STPG2: variants seen among roughly 807,000 people sequenced by gnomAD.
STPG2 encodes the protein sperm tail PG-rich repeat containing 2, also known as sperm-tail PG-rich repeat-containing protein 2.
In STPG2, 56 loss-of-function variants were observed where a neutral mutation model predicts 54.2. The ratio of observed to expected loss-of-function variants is 1.03; its 90% CI spans 0.83 to 1.29. The LOEUF is 1.29. Ranked by LOEUF, STPG2 falls within the 50% of genes most tolerant of loss-of-function variation. STPG2 has a pLI of 0.00. For synonymous variants in STPG2, 200 were observed against 181.8 expected, an observed-to-expected ratio of 1.10 and a Z score of -0.81; for missense variants, 596 against 544.9, an observed-to-expected ratio of 1.09 and a Z score of -0.93.
intron 5 of STPG2, chr4:98,048,876 T>G (rs925577795): frequency 6.4e-6 from 1 of 155,162 alleles, no homozygotes; most frequent in Non-Finnish European, 1.4e-5. Context: ...ACAGAGGAAA[T>G]TTTGGTGATA....
chr4:98,067,862 T>C (rs1737880871), intron 5 of STPG2, among the ~76,000 whole-genome samples: 1 of 152,184 alleles, frequency 6.6e-6, no homozygotes, highest in South Asian at 2.1e-4. Context: ...AACCCTCTCA[T>C]TCTTAAGTCT....
At chr4:97,635,419 G>A (rs577779056) in intron 10 of STPG2, among the ~76,000 whole-genome samples, 2 of 152,316 alleles carry the variant, frequency 1.3e-5, no homozygotes, top group African/African-American at 4.8e-5. Flanking sequence ...AGACTAGGAA[G>A]AAACTGCATC....
intron 8 of STPG2, among the ~76,000 whole-genome samples, chr4:97,909,233 C>G (rs1218750793): frequency 6.6e-6 from 1 of 151,704 alleles, no homozygotes; most frequent in Non-Finnish European, 1.5e-5. Context: ...TTATGAACAA[C>G]TTTATGCAAA....
At position 98,134,385 on chromosome 4, in the gene STPG2, C is replaced by A. The variant is rs1740079999; in HGVS notation, c.184G>T (p.Val62Phe). 6.3e-7 allele frequency: 1 copy of A among 1,582,422 alleles called. No homozygotes were observed. Among genetic ancestry groups the A allele is most frequent in the South Asian group, 1.2e-5 (1 of 86,556 alleles). The change falls in exon 2 of 11, where the codon GTT becomes TTT. Residue 62 changes from valine to phenylalanine, a missense_variant. Physicochemically the swap from Val to Phe is conservative, Grantham distance 50 (BLOSUM62 -1). Coordinates refer to ENST00000295268, the MANE Select transcript of STPG2 (RefSeq NM_174952.3). ...FTIASSIEKA[V>F]PGPGHYNVSE... ...ACATTATAGTGTCCTGGACCTGGAA[C>A]AGCTTTCTCAATGCTAGAGGCAATG...
At chr4:97,743,384 G>C (rs1021266256) in intron 9 of STPG2, among the ~76,000 whole-genome samples, 3 of 151,588 alleles carry the variant, frequency 2.0e-5, no homozygotes, top group South Asian at 2.1e-4. Flanking sequence ...TTTACATTTT[G>C]ACCATTCTTT....
intron 10 of STPG2, among the ~76,000 whole-genome samples, chr4:97,655,020 C>T (rs1000794447): frequency 6.6e-6 from 1 of 151,990 alleles, no homozygotes; most frequent in African/African-American, 2.4e-5. Flanking sequence ...GAATAACATA[C>T]AGAGAAATAT....
intron 7 of STPG2, among the ~76,000 whole-genome samples, chr4:97,969,783 T>C (rs1734255641): frequency 1.3e-5 from 2 of 152,168 alleles, no homozygotes; most frequent in African/African-American, 2.4e-5. Context: ...ACCACTCCTA[T>C]TCAACATAGT....
At chr4:97,776,988 T>C (rs1726397181) in intron 9 of STPG2, among the ~76,000 whole-genome samples, 1 of 152,204 alleles carries the variant, frequency 6.6e-6, no homozygotes, top group Non-Finnish European at 1.5e-5. Flanking sequence ...CAATCTATGC[T>C]GCCTACCTCA....
At chr4:97,869,629 T>C (rs1240402231) in intron 8 of STPG2, among the ~76,000 whole-genome samples, 1 of 151,640 alleles carries the variant, frequency 6.6e-6, no homozygotes, top group Non-Finnish European at 1.5e-5. Flanking sequence ...TAAACTTATA[T>C]AAGTCTACTC....
intron 5 of STPG2, among the ~76,000 whole-genome samples, chr4:98,064,016 T>C (rs11097605): frequency 0.39 from 59,289 of 151,888 alleles, 11,788 homozygotes; most frequent in Middle Eastern, 0.46. Context: ...AAAGGTGATA[T>C]AATAAAAGAT....
intron 9 of STPG2, among the ~76,000 whole-genome samples, chr4:97,785,299 A>T (rs1388282329): frequency 6.6e-6 from 1 of 152,048 alleles, no homozygotes; most frequent in African/African-American, 2.4e-5. Flanking sequence ...AACAATTCCA[A>T]GTCATTTTAA....
intron 4 of STPG2, among the ~76,000 whole-genome samples, chr4:97,482,618 G>A (rs1029042391): frequency 6.6e-6 from 1 of 151,146 alleles, no homozygotes; most frequent in Admixed American, 6.6e-5. Flanking sequence ...AAATCTAAAA[G>A]TTTGGCAAAC....
chr4:97,677,970 A>C (rs886387470), intron 10 of STPG2, among the ~76,000 whole-genome samples: 4 of 152,212 alleles, frequency 2.6e-5, no homozygotes, highest in Non-Finnish European at 5.9e-5. Context: ...AATTGTTTTA[A>C]AAAATTATGA....
intron 4 of STPG2, among the ~76,000 whole-genome samples, chr4:97,491,106 C>T (rs562650955): frequency 2.6e-5 from 4 of 151,264 alleles, no homozygotes; most frequent in African/African-American, 7.3e-5. Context: ...TTGACTGAGA[C>T]CTAAGTCCAC....
intron 9 of STPG2, among the ~76,000 whole-genome samples, chr4:97,721,212 G>T (rs1332418706): frequency 6.6e-6 from 1 of 152,008 alleles, no homozygotes; most frequent in Non-Finnish European, 1.5e-5. Context: ...TGCTCAAAAA[G>T]AACAGTCATG....
At chr4:98,015,442 C>T (rs1444209756) in intron 5 of STPG2, among the ~76,000 whole-genome samples, 1 of 151,972 alleles carries the variant, frequency 6.6e-6, no homozygotes, top group Non-Finnish European at 1.5e-5. Context: ...ATGCGGCCAA[C>T]AAACATAGGA....
chr4:98,023,915 T>A (rs980519920), intron 5 of STPG2, among the ~76,000 whole-genome samples: 8 of 152,164 alleles, frequency 5.3e-5, no homozygotes, highest in African/African-American at 1.9e-4. Flanking sequence ...TGACCAGATT[T>A]TCCAGGTGCC....
intron 3 of STPG2, among the ~76,000 whole-genome samples, chr4:98,120,269 C>T (rs1044022890): frequency 7.9e-5 from 12 of 151,946 alleles, no homozygotes; most frequent in Non-Finnish European, 1.3e-4. Context: ...TTAGTAGAGA[C>T]GGGGTTTCAC....
chr4:97,767,513 A>G (rs2149059230), intron 9 of STPG2, among the ~76,000 whole-genome samples: 1 of 152,298 alleles, frequency 6.6e-6, no homozygotes, highest in African/African-American at 2.4e-5. Flanking sequence ...TATAAATACA[A>G]TTTGCTGTAC....
Sources: allele counts gnomAD v4.1 joint callset (sites outside exome capture counted in the v4.1 genomes callset), GRCh38; gene constraint gnomAD v4.1.1; transcripts MANE v1.5; gene names NCBI Gene and HGNC (gene_info 2026-07-23, HGNC 2026-07-21).